Variants in RNLS observed in about 807,000 individuals in gnomAD.
RNLS encodes renalase.
Under a neutral mutation model 39.8 loss-of-function variants are expected in RNLS, and 39 were observed. The ratio of observed to expected loss-of-function variants is 0.98; its 90% CI spans 0.76 to 1.28. The LOEUF is 1.28. Ranked by LOEUF, RNLS falls within the 50% of genes most tolerant of loss-of-function variation. The pLI is 0.00. For missense variants in RNLS, 410 were observed against 413.3 expected, an observed-to-expected ratio of 0.99 and a Z score of 0.07; for synonymous variants, 147 against 150.7, an observed-to-expected ratio of 0.98 and a Z score of 0.18.
intron 5 of RNLS, among the ~76,000 whole-genome samples, chr10:88,358,998 G>A (rs542705345): frequency 3.3e-5 from 5 of 152,240 alleles, no homozygotes; most frequent in African/African-American, 1.2e-4. Flanking sequence ...CAAGGGTGTG[G>A]GGTAGTGTTA....
the RNLS span, among the ~76,000 whole-genome samples, chr10:88,242,670 G>A: frequency 5.9e-5 from 9 of 152,336 alleles, no homozygotes; most frequent in Non-Finnish European, 1.0e-4. Context: ...CATAAGGGAG[G>A]CTGGGCACGG....
intron 3 of RNLS, among the ~76,000 whole-genome samples, chr10:88,575,005 ATTG>A (rs903173009): frequency 2.0e-5 from 3 of 151,318 alleles, no homozygotes; most frequent in African/African-American, 7.3e-5. Flanking sequence ...ATATGCTGTT[ATTG>A]TTGGTGGTAT....
chr10:88,470,661 G>C (rs1012176008), intron 4 of RNLS, among the ~76,000 whole-genome samples: 11 of 148,362 alleles, frequency 7.4e-5, no homozygotes, highest in Non-Finnish European at 1.3e-4. Flanking sequence ...TGTTGCCCAG[G>C]CTGGAGTGCT....
intron 4 of RNLS, among the ~76,000 whole-genome samples, chr10:88,567,571 G>T (rs1849581244): frequency 6.6e-6 from 1 of 152,020 alleles, no homozygotes; most frequent in African/African-American, 2.4e-5. Context: ...CAACCTCCAT[G>T]GCAATAAATT....
chr10:88,530,753 T>C (rs1312852156), intron 4 of RNLS, among the ~76,000 whole-genome samples: 1 of 152,182 alleles, frequency 6.6e-6, no homozygotes, highest in East Asian at 1.9e-4. Context: ...TGATAATCCA[T>C]TATTATTTTT....
At chr10:88,289,225 G>A (rs760731614) in intron 6 of RNLS, among the ~76,000 whole-genome samples, 2 of 152,100 alleles carry the variant, frequency 1.3e-5, no homozygotes, top group Non-Finnish European at 2.9e-5. Flanking sequence ...AAATGCAAAC[G>A]CCAAAGCCCC....
chr10:88,244,543 T>G, the RNLS span, among the ~76,000 whole-genome samples: 1 of 152,194 alleles, frequency 6.6e-6, no homozygotes, highest in African/African-American at 2.4e-5. Flanking sequence ...AGTGGGCAGA[T>G]GGCAGGATCC....
At chr10:88,335,282 A>G (rs1045367999) in intron 5 of RNLS, among the ~76,000 whole-genome samples, 2 of 151,450 alleles carry the variant, frequency 1.3e-5, no homozygotes, top group African/African-American at 2.4e-5. Flanking sequence ...CAGTGGCTCA[A>G]TTTTGGCTCA....
intron 4 of RNLS, among the ~76,000 whole-genome samples, chr10:88,565,838 C>T (rs1000299660): frequency 2.0e-5 from 3 of 149,216 alleles, no homozygotes; most frequent in African/African-American, 7.4e-5. Flanking sequence ...CAACCTCCGC[C>T]TCCCAGGTTC....
intron 4 of RNLS, among the ~76,000 whole-genome samples, chr10:88,547,830 TTGAA>T (rs1486882478): frequency 3.9e-5 from 6 of 152,192 alleles, no homozygotes; most frequent in Admixed American, 2.0e-4. Flanking sequence ...GTTGATTGGC[TTGAA>T]TGAATCTTTC....
the RNLS span, among the ~76,000 whole-genome samples, chr10:88,211,635 A>G: frequency 6.6e-6 from 1 of 152,198 alleles, no homozygotes; most frequent in Non-Finnish European, 1.5e-5. Context: ...GTGAGACAGC[A>G]TAACATGCTG....
downstream of RNLS, among the ~76,000 whole-genome samples, chr10:88,283,127 T>A (rs1281646589): frequency 6.6e-6 from 1 of 152,186 alleles, no homozygotes; most frequent in Admixed American, 6.6e-5. Context: ...CAGAGCATCC[T>A]GGCCAGCTGA....
chr10:88,501,017 C>A (rs1374629449), intron 4 of RNLS, among the ~76,000 whole-genome samples: 2 of 121,984 alleles, frequency 1.6e-5, no homozygotes, highest in Admixed American at 9.0e-5. Context: ...GTATATATAT[C>A]TCTGTGTGTG....
chr10:88,337,449 T>C (rs1564706361), intron 5 of RNLS, among the ~76,000 whole-genome samples: 1 of 152,224 alleles, frequency 6.6e-6, no homozygotes, highest in Non-Finnish European at 1.5e-5. Flanking sequence ...CCATCCCTCC[T>C]GGCCACAGTG....
the RNLS span, among the ~76,000 whole-genome samples, chr10:88,240,816 A>G: frequency 6.6e-6 from 1 of 151,578 alleles, no homozygotes; most frequent in African/African-American, 2.4e-5. Flanking sequence ...ATTCTTCTCC[A>G]TTTTCATACA....
chr10:88,580,548 G>A (rs962954954), intron 3 of RNLS, among the ~76,000 whole-genome samples: 4 of 152,116 alleles, frequency 2.6e-5, no homozygotes, highest in Admixed American at 2.6e-4. Context: ...TTATCAAGAA[G>A]CTTCATTCTC....
intron 4 of RNLS, among the ~76,000 whole-genome samples, chr10:88,526,087 A>G (rs369775644): frequency 1.4e-4 from 22 of 152,048 alleles, no homozygotes; most frequent in African/African-American, 4.3e-4. Flanking sequence ...CTTCATCTTC[A>G]CAATCTTACA....
intron 4 of RNLS, among the ~76,000 whole-genome samples, chr10:88,363,573 A>G (rs539724599): frequency 1.9e-4 from 29 of 152,208 alleles, no homozygotes; most frequent in African/African-American, 6.7e-4. Flanking sequence ...ACCACACCTT[A>G]GTCATCTTTG....
chr10:88,575,227 T>C (rs1177648690), intron 3 of RNLS, among the ~76,000 whole-genome samples: 1 of 141,176 alleles, frequency 7.1e-6, no homozygotes, highest in Non-Finnish European at 1.5e-5. Flanking sequence ...TATATATATA[T>C]ATATATACAC....
Sources: gnomAD v4.1 joint callset for allele counts (sites outside exome capture counted in the v4.1 genomes callset) on GRCh38, gnomAD v4.1.1 for gene constraint, MANE v1.5 for transcripts, NCBI Gene and HGNC (gene_info 2026-07-23, HGNC 2026-07-21) for gene names.